The following ZMYM4 variants were observed in gnomAD, a reference collection of about 807,000 sequenced individuals.
The protein encoded by ZMYM4 is zinc finger MYM-type containing 4.
Under a neutral mutation model 183.2 loss-of-function variants are expected in ZMYM4, and 31 were observed. The ratio of observed to expected loss-of-function variants is 0.17; its 90% CI spans 0.13 to 0.23. The LOEUF (loss-of-function observed/expected upper bound fraction) is 0.23. Ranked by LOEUF, ZMYM4 falls within the 10% of genes least tolerant of loss-of-function variation. The pLI is 1.00. For missense variants in ZMYM4, 1,273 were observed against 1,840.3 expected, an observed-to-expected ratio of 0.69 and a Z score of 5.64; for synonymous variants, 592 against 631.2, an observed-to-expected ratio of 0.94 and a Z score of 0.93.
intron 17 of ZMYM4, among the ~76,000 whole-genome samples, chr1:35,393,324 TCAG>T (rs1644744499): frequency 6.6e-6 from 1 of 152,208 alleles, no homozygotes; most frequent in Non-Finnish European, 1.5e-5. Context: ...TTGTTATTGA[TCAG>T]CAGTGTGTTA....
chr1:35,395,383 C>G (rs1031412299), intron 18 of ZMYM4, among the ~76,000 whole-genome samples: 1 of 151,790 alleles, frequency 6.6e-6, no homozygotes, highest in Non-Finnish European at 1.5e-5. Context: ...ATCACTTGAG[C>G]CCAGGAGTTC....
chr1:35,396,445 A>G (rs1644809889), intron 18 of ZMYM4, 107 bp from the exon 19 acceptor site: 1 of 1,459,574 alleles, frequency 6.9e-7, no homozygotes, highest in Non-Finnish European at 9.3e-7. Context: ...GTCATAGGTT[A>G]CTCTTATTTT....
intron 5 of ZMYM4, among the ~76,000 whole-genome samples, chr1:35,362,125 A>C (rs1643951666): frequency 6.6e-6 from 1 of 152,238 alleles, no homozygotes; most frequent in Admixed American, 6.5e-5. Context: ...TTTATGTAGG[A>C]TAGTAAGCCT....
intron 1 of ZMYM4, among the ~76,000 whole-genome samples, chr1:35,304,520 C>T (rs1167477864): frequency 8.0e-5 from 12 of 149,926 alleles, no homozygotes; most frequent in African/African-American, 2.2e-4. Context: ...TGCAATGGCT[C>T]GATCTTAGCT....
Position 35,397,492 on chromosome 1 carries a change from A to C in ZMYM4, c.3146A>C (p.Glu1049Ala). The C allele has an allele frequency of 6.2e-7, 1 of 1,613,596 alleles. No homozygotes were observed. Among genetic ancestry groups the C allele is most frequent in the Non-Finnish European group, 8.5e-7 (1 of 1,179,730 alleles). Reference sequence around the variant, plus strand: ...CATCCATTTGAAGCTGATCTCCTTGAGATGGCAGAAATGATTGCAGAAGAT... The same window carrying C: ...CATCCATTTGAAGCTGATCTCCTTGCGATGGCAGAAATGATTGCAGAAGAT... ...PTHPFEADLL[E>A]MAEMIAEDEE... The change falls in exon 20 of 30, where the codon GAG becomes GCG. Residue 1049 changes from glutamate (E) to alanine (A), a missense_variant. Physicochemically the swap from Glu to Ala is moderately radical, Grantham distance 107. Coordinates refer to ENST00000314607, the MANE Select transcript of ZMYM4 (RefSeq NM_005095.3).
intron 29 of ZMYM4, 29 bp from the exon 30 acceptor site, chr1:35,419,436 CTTTTT>C: frequency 6.3e-7 from 1 of 1,597,796 alleles, no homozygotes; most frequent in Non-Finnish European, 8.5e-7. Flanking sequence ...TTCTAATTTT[CTTTTT>C]TCTCTTTTTT....
At chr1:35,328,829 G>A (rs1021558228) in intron 2 of ZMYM4, among the ~76,000 whole-genome samples, 9 of 152,038 alleles carry the variant, frequency 5.9e-5, no homozygotes, top group South Asian at 4.2e-4. Context: ...GGAAAGCTCC[G>A]ATACCAAAGA....
intron 1 of ZMYM4, among the ~76,000 whole-genome samples, chr1:35,306,590 T>G (rs1641543754): frequency 1.3e-5 from 2 of 152,252 alleles, no homozygotes; most frequent in Admixed American, 1.3e-4. Context: ...TTTTAAATTC[T>G]TTAATCACAT....
rs367997342 is a variant in ZMYM4, at chr1:35,376,769, G to A, written c.1182-4490G>A. 4.5e-4 allele frequency among the ~76,000 whole-genome samples: 69 copies of A among 152,144 alleles called. 1 individual carries two copies. Among genetic ancestry groups the A allele is most frequent in the African/African-American group, 1.6e-3 (67 of 41,516 alleles). The stretch of plus-strand genomic sequence containing the variant: ...TTGATCTCTTGACCTCAGGTGATCT[G>A]CCCACCTCGGCCTCCCAAAGTGCTG... On this transcript the variant is annotated intron_variant, in intron 7 of 29. Transcript: ENST00000314607.
intron 1 of ZMYM4, among the ~76,000 whole-genome samples, chr1:35,305,237 ATCT>A (rs1641481261): frequency 6.6e-6 from 1 of 152,200 alleles, no homozygotes; most frequent in South Asian, 2.1e-4. Flanking sequence ...GGCTGTAAAA[ATCT>A]TCTGTGTCTT....
At chr1:35,321,071 C>T (rs1287507437) in intron 1 of ZMYM4, among the ~76,000 whole-genome samples, 2 of 152,038 alleles carry the variant, frequency 1.3e-5, no homozygotes, top group African/African-American at 2.4e-5. Context: ...TTGTATAACC[C>T]CTGTTATCTG....
At chr1:35,281,429 G>A (rs1640153360) in intron 1 of ZMYM4, among the ~76,000 whole-genome samples, 1 of 152,112 alleles carries the variant, frequency 6.6e-6, no homozygotes, top group Non-Finnish European at 1.5e-5. Context: ...GAAGCAGAGA[G>A]TAGAATTATA....
At chr1:35,395,707 C>T (rs1644797032) in intron 18 of ZMYM4, among the ~76,000 whole-genome samples, 1 of 151,966 alleles carries the variant, frequency 6.6e-6, no homozygotes, top group African/African-American at 2.4e-5. Flanking sequence ...TTAAACATGC[C>T]CAGAACATTT....
At chr1:35,289,998 C>T (rs1006122667) in intron 1 of ZMYM4, among the ~76,000 whole-genome samples, 1 of 151,714 alleles carries the variant, frequency 6.6e-6, no homozygotes, top group African/African-American at 2.4e-5. Context: ...GATGGAGTCT[C>T]ACTCTGTCAC....
intron 5 of ZMYM4, among the ~76,000 whole-genome samples, chr1:35,366,712 T>G (rs1644088146): frequency 6.6e-6 from 1 of 152,154 alleles, no homozygotes; most frequent in South Asian, 2.1e-4. Flanking sequence ...TGTCAGTTAT[T>G]TTTAAATTAA....
At position 35,398,877 on chromosome 1, in the gene ZMYM4, A is replaced by G; in HGVS notation, c.3267A>G (p.Thr1089=). Residue 1089 remains threonine, a synonymous_variant, in exon 22 of 30, where the codon ACA becomes ACG. Transcript: ENST00000314607. The stretch of plus-strand genomic sequence containing the variant: ...TATATATTTCAGACCAAGGAAGTAC[A>G]TACAGTGGTGATCTTGAATCAGAGG... ...TKIFEKDQGS[T]YSGDLESEAV... The G allele has an allele frequency of 6.2e-7, 1 of 1,614,164 alleles. No individual in the cohort carries two copies. The highest frequency in any genetic ancestry group is 2.2e-5 in the East Asian group (1 of 44,874).
intron 7 of ZMYM4, among the ~76,000 whole-genome samples, chr1:35,371,589 AAG>A (rs1401645164): frequency 6.6e-6 from 1 of 152,150 alleles, no homozygotes; most frequent in Admixed American, 6.5e-5. Context: ...AAGTCAGAAA[AAG>A]AGGAATAATG....
At chr1:35,347,303 A>G (rs1643433944) in intron 2 of ZMYM4, among the ~76,000 whole-genome samples, 1 of 152,220 alleles carries the variant, frequency 6.6e-6, no homozygotes, top group Non-Finnish European at 1.5e-5. Context: ...CACCGCACCC[A>G]GCCTTCTATT....
chr1:35,359,273 T>G lies in ZMYM4; in HGVS notation c.434T>G (p.Val145Gly), dbSNP rs1643889235. The G allele has an allele frequency of 6.2e-7, 1 of 1,608,766 alleles. No homozygotes were observed. Among genetic ancestry groups the G allele is most frequent in the Non-Finnish European group, 8.5e-7 (1 of 1,178,516 alleles). ...GACTTTCCTAAACAATTTGATCAGG[T>G]TTCTGTCTTTAAATCAATACGGAAA... Reference protein sequence around the residue: ...KKDFPKQFDQVSVFKSIRKDF... With the variant: ...KKDFPKQFDQGSVFKSIRKDF... Residue 145 changes from valine to glycine, a missense_variant, in exon 3 of 30, where the codon GTT (valine) becomes GGT (glycine). Physicochemically the swap from Val to Gly is moderately radical, Grantham distance 109. Around this residue, in one of 6 missense-constraint regions of ZMYM4, gnomAD observed 384 missense variants for 465.6 expected, o/e 0.82. Coordinates refer to ENST00000314607, the MANE Select transcript of ZMYM4 (RefSeq NM_005095.3).
Sources: allele counts gnomAD v4.1 joint callset (sites outside exome capture counted in the v4.1 genomes callset), GRCh38; gene constraint gnomAD v4.1.1; regional missense constraint gnomAD v4.1.1; transcripts MANE v1.5; gene names NCBI Gene and HGNC (gene_info 2026-07-23, HGNC 2026-07-21).